PDE9A: variants seen among roughly 807,000 people sequenced by gnomAD.
PDE9A encodes the protein high affinity cGMP-specific 3',5'-cyclic phosphodiesterase 9A.
In PDE9A, 60 loss-of-function variants were observed where a neutral mutation model predicts 87.4. The ratio of observed to expected loss-of-function variants is 0.69; its 90% CI spans 0.56 to 0.85. The LOEUF (loss-of-function observed/expected upper bound fraction) is 0.85, where lower values mean the gene tolerates loss of function less well. Among genes scored for constraint, PDE9A ranks in the 40% least tolerant of loss-of-function variants. The pLI is 0.00. For synonymous variants in PDE9A, 272 were observed against 279.4 expected (o/e 0.97, Z 0.27); for missense variants, 665 against 779.0 (o/e 0.85, Z 1.74).
At chr21:42,728,256 T>C (rs2051346362) in intron 4 of PDE9A, among the ~76,000 whole-genome samples, 2 of 152,224 alleles carry the variant, frequency 1.3e-5, no homozygotes. Flanking sequence ...TCCTTGGATT[T>C]TGGCATCCTT....
chr21:42,672,965 T>A (rs1443972456), intron 1 of PDE9A, among the ~76,000 whole-genome samples: 1 of 152,228 alleles, frequency 6.6e-6, no homozygotes, highest in Non-Finnish European at 1.5e-5. Flanking sequence ...GCCTTGGTGC[T>A]ACTTGCTTGC....
chr21:42,758,568 T>C (rs2055323941), intron 10 of PDE9A: 1 of 166,846 alleles, frequency 6.0e-6, no homozygotes, highest in Non-Finnish European at 1.3e-5. Flanking sequence ...GTGCACTGGA[T>C]GGAACTGTGT....
intron 3 of PDE9A, among the ~76,000 whole-genome samples, chr21:42,689,037 CG>C (rs2059639911): frequency 6.6e-6 from 1 of 151,726 alleles, no homozygotes; most frequent in African/African-American, 2.4e-5. Context: ...CCGTCCTCAG[CG>C]AGGTCCCCGT....
At position 42,762,249 on chromosome 21, in the gene PDE9A, G is replaced by A. The variant is rs200241254; in HGVS notation, c.1242+10G>A. ...CAAGCAGATCCGACAGGTGTGTGGG[G>A]TGAGGGCCCTCCCACCGGAGTGGGG... On this transcript the variant is annotated intron_variant, in intron 14 of 19. Transcript: ENST00000291539. 1.7e-3 allele frequency: 2,801 copies of A among 1,612,888 alleles called. 3 individuals are homozygous for A. Among genetic ancestry groups the A allele is most frequent in the Non-Finnish European group, 2.1e-3 (2,448 of 1,179,230 alleles).
At chr21:42,765,063 ATGGATGGG>A (rs1015273301) in intron 14 of PDE9A, among the ~76,000 whole-genome samples, 10 of 150,722 alleles carry the variant, frequency 6.6e-5, no homozygotes, top group East Asian at 3.9e-4. Flanking sequence ...GGGTGGATGG[ATGGATGGG>A]TGGATGGGTG....
chr21:42,688,036 T>C, intron 3 of PDE9A, 42 bp downstream of exon 3: 1 of 1,488,696 alleles, frequency 6.7e-7, no homozygotes, highest in Middle Eastern at 1.7e-4. Flanking sequence ...TGCCTGGCAC[T>C]TCTCTCCATG....
intron 1 of PDE9A, among the ~76,000 whole-genome samples, chr21:42,677,649 T>C (rs1219822899): frequency 6.6e-6 from 1 of 152,148 alleles, no homozygotes; most frequent in East Asian, 1.9e-4. Context: ...AGTTATCTTT[T>C]TTTTTTTTCT....
chr21:42,728,544 C>T (rs1005216014), intron 4 of PDE9A, among the ~76,000 whole-genome samples: 8 of 152,272 alleles, frequency 5.3e-5, no homozygotes, highest in African/African-American at 1.7e-4. Flanking sequence ...AGAATAAACC[C>T]CACTAAATCT....
At chr21:42,751,241 C>A in intron 9 of PDE9A, 44 bp downstream of exon 9, 1 of 1,355,618 alleles carries the variant, frequency 7.4e-7, no homozygotes, top group South Asian at 1.2e-5. Flanking sequence ...GCTGTGTCCC[C>A]AGCCCCACGC....
chr21:42,664,915 C>CA (rs1451882048), intron 1 of PDE9A, among the ~76,000 whole-genome samples: 2 of 152,304 alleles, frequency 1.3e-5, no homozygotes, highest in East Asian at 3.9e-4. Context: ...TTGTGTCTCC[C>CA]AAAAAAGTGG....
rs754713360 is a variant in PDE9A at position 42,687,966 on chromosome 21, G to A, written c.190G>A (p.Asp64Asn). 1.2e-5 allele frequency: 19 copies of A among 1,612,950 alleles called. No individual in the cohort carries two copies. The highest frequency in any genetic ancestry group is 1.6e-5 in the Non-Finnish European group (19 of 1,179,980). The change falls in exon 3 of 20, where the codon GAC becomes AAC. Residue 64 changes from aspartate to asparagine, a missense_variant. Physicochemically the swap from Asp to Asn is conservative, Grantham distance 23. Coordinates refer to ENST00000291539, the MANE Select transcript of PDE9A (RefSeq NM_002606.3). ...CACCGACGACGCCATGGTCTCCATC[G>A]ACCCCACCATGCCCGCGAATTCAGA... ...LTTDDAMVSIDPTMPANSERT... is the reference protein window; with the variant it reads ...LTTDDAMVSINPTMPANSERT...
intron 1 of PDE9A, among the ~76,000 whole-genome samples, chr21:42,667,652 G>C (rs1263010586): frequency 4.6e-5 from 7 of 152,120 alleles, no homozygotes; most frequent in Admixed American, 4.6e-4. Flanking sequence ...TGCAAGTTCG[G>C]ATCACAACAG....
intron 9 of PDE9A, 143 bp from the exon 10 acceptor site, chr21:42,753,847 G>A (rs1450615215): frequency 3.7e-6 from 2 of 539,262 alleles, no homozygotes; most frequent in Non-Finnish European, 6.5e-6. Context: ...GTGGGCAAGA[G>A]TGAGACTCTA....
At chr21:42,670,784 CAT>C (rs1010743918) in intron 1 of PDE9A, among the ~76,000 whole-genome samples, 1 of 152,088 alleles carries the variant, frequency 6.6e-6, no homozygotes, top group Non-Finnish European at 1.5e-5. Context: ...CTCTGACACA[CAT>C]ATACATACAT....
In PDE9A at chr21:42,660,356, G is replaced by C. The variant is rs369103179; in HGVS notation, c.69+6473G>C. On this transcript the variant is annotated intron_variant, in intron 1 of 19. Transcript: ENST00000291539. This position sits in a 1 kb window ranked among gnomAD's most constrained non-coding sequence, Gnocchi z 4.7. Reference sequence around the variant, plus strand: ...TCCAGGAGCAGGTGCGGGGCCTGCAGGGACGGCTCGCAGAGAAGGCAGTTT... The same window carrying C: ...TCCAGGAGCAGGTGCGGGGCCTGCACGGACGGCTCGCAGAGAAGGCAGTTT... 3.3e-4 allele frequency among the ~76,000 whole-genome samples: 50 copies of C among 152,234 alleles called. No individual in the cohort carries two copies. Among genetic ancestry groups the C allele is most frequent in the African/African-American group, 1.2e-3 (50 of 41,462 alleles).
Position 42,695,583 on chromosome 21 carries a change from GC to G in PDE9A, c.219-3384del, listed in dbSNP as rs2060099843. 6.6e-6 allele frequency among the ~76,000 whole-genome samples: 1 copy of G among 152,236 alleles called. No homozygotes were observed. The highest frequency in any genetic ancestry group is 1.5e-5 in the Non-Finnish European group (1 of 68,040). On this transcript the variant is annotated intron_variant, in intron 3 of 19. Coordinates refer to ENST00000291539, the MANE Select transcript of PDE9A (RefSeq NM_002606.3). The surrounding 1 kb of genome is among the most constrained non-coding windows in gnomAD (Gnocchi z 4.3). ...TTGTGCCGCAGGTGACTCTCCACCGGCTGAGCTCTGTGCATGCAGGGCCAGT... is the reference window on the plus strand; with the variant it reads ...TTGTGCCGCAGGTGACTCTCCACCGGTGAGCTCTGTGCATGCAGGGCCAGT...
At chr21:42,749,156 G>A (rs577283795) in intron 8 of PDE9A, among the ~76,000 whole-genome samples, 1 of 152,240 alleles carries the variant, frequency 6.6e-6, no homozygotes, top group East Asian at 1.9e-4. Flanking sequence ...AAATTCCCCA[G>A]GATAGATATG....
chr21:42,734,885 C>T lies in PDE9A; in HGVS notation c.568+1459C>T, dbSNP rs185247235. 2.2e-3 allele frequency among the ~76,000 whole-genome samples: 332 copies of T among 152,286 alleles called. 1 individual carries two copies. The highest frequency in any genetic ancestry group is 7.8e-3 in the African/African-American group (323 of 41,544). On this transcript the variant is annotated intron_variant, in intron 7 of 19. Coordinates refer to ENST00000291539, the MANE Select transcript of PDE9A (RefSeq NM_002606.3). Reference sequence around the variant, plus strand: ...TGGGACTGGCACCCAGGGTCCTGGCCGGGCTGCTGTCACGGCCTGCTACCT... The same window carrying T: ...TGGGACTGGCACCCAGGGTCCTGGCTGGGCTGCTGTCACGGCCTGCTACCT...
At chr21:42,773,021 G>T (rs141080391) in intron 19 of PDE9A, among the ~76,000 whole-genome samples, 2,462 of 151,234 alleles carry the variant, frequency 0.016, 37 homozygotes, top group Middle Eastern at 0.061. Flanking sequence ...AGCACTTTGG[G>T]AGGCCAAGGT....
Sources: gnomAD v4.1 joint callset for allele counts (sites outside exome capture counted in the v4.1 genomes callset) on GRCh38, gnomAD v4.1.1 for gene constraint, Gnocchi (gnomAD v3.1) non-coding constraint, MANE v1.5 for transcripts, NCBI Gene and HGNC (gene_info 2026-07-23, HGNC 2026-07-21) for gene names.